CCDC148: variants seen among roughly 807,000 people sequenced by gnomAD.
CCDC148 encodes the protein coiled-coil domain containing 148.
A neutral mutation model predicts 85.7 loss-of-function variants in CCDC148; 89 were observed. The observed-to-expected ratio is 1.04, with a 90% CI of 0.87 to 1.24. The LOEUF is 1.24. Among genes scored for constraint, CCDC148 ranks in the 50% most tolerant of loss-of-function variants. CCDC148 has a pLI of 0.00. For synonymous variants in CCDC148, 230 were observed against 213.9 expected, an observed-to-expected ratio of 1.08 and a Z score of -0.66; for missense variants, 692 against 671.7, an observed-to-expected ratio of 1.03 and a Z score of -0.33.
chr2:158,260,153 A>G (rs1028970728), intron 9 of CCDC148, among the ~76,000 whole-genome samples: 4 of 151,610 alleles, frequency 2.6e-5, no homozygotes, highest in African/African-American at 9.7e-5. Flanking sequence ...TTCTATTCCT[A>G]CTCCTGGAAT....
At chr2:158,182,105 C>A (rs1169074261) in intron 11 of CCDC148, among the ~76,000 whole-genome samples, 1 of 152,018 alleles carries the variant, frequency 6.6e-6, no homozygotes, top group African/African-American at 2.4e-5. Context: ...AGACTGGGAA[C>A]TCACATGAGA....
intron 1 of CCDC148, among the ~76,000 whole-genome samples, chr2:158,444,883 G>C (rs952829041): frequency 2.8e-5 from 4 of 140,548 alleles, no homozygotes; most frequent in African/African-American, 1.0e-4. Flanking sequence ...AGTTAATAAA[G>C]AAATTTTTAC....
chr2:158,378,231 G>C (rs897817852), intron 1 of CCDC148, among the ~76,000 whole-genome samples: 5 of 152,056 alleles, frequency 3.3e-5, no homozygotes, highest in African/African-American at 9.7e-5. Context: ...AAGTTTGAGT[G>C]GTCTGGATAG....
intron 1 of CCDC148, among the ~76,000 whole-genome samples, chr2:158,426,833 T>C (rs1687101791): frequency 6.6e-6 from 1 of 152,192 alleles, no homozygotes; most frequent in South Asian, 2.1e-4. Flanking sequence ...TTTCCTTCTG[T>C]TTTTCTATTA....
intron 9 of CCDC148, among the ~76,000 whole-genome samples, chr2:158,276,138 C>T (rs1442835527): frequency 6.6e-6 from 1 of 152,124 alleles, no homozygotes. Flanking sequence ...ACTGGGTTTG[C>T]ATTAAAAACC....
chr2:158,213,678 T>A (rs1686694269), intron 11 of CCDC148, among the ~76,000 whole-genome samples: 1 of 152,144 alleles, frequency 6.6e-6, no homozygotes, highest in South Asian at 2.1e-4. Flanking sequence ...ATACAACAAA[T>A]GAGATATGAC....
intron 7 of CCDC148, 44 bp from the exon 8 acceptor site, chr2:158,313,938 G>C: frequency 6.3e-7 from 1 of 1,577,796 alleles, no homozygotes; most frequent in East Asian, 2.3e-5. Flanking sequence ...GAGCAATCAT[G>C]AAATTTGAGG....
At chr2:158,308,021 A>T (rs1691779225) in intron 9 of CCDC148, among the ~76,000 whole-genome samples, 1 of 152,216 alleles carries the variant, frequency 6.6e-6, no homozygotes, top group Admixed American at 6.5e-5. Context: ...CAGTTACTTT[A>T]TCAAGACACT....
chr2:158,221,860 C>T (rs1245205649), intron 10 of CCDC148, among the ~76,000 whole-genome samples: 3 of 151,774 alleles, frequency 2.0e-5, no homozygotes, highest in Non-Finnish European at 4.4e-5. Context: ...AGAGATAAAG[C>T]TAGAAAGGCA....
rs1682618697 is a variant in CCDC148, at chr2:158,340,376, G to T, written c.352C>A (p.Gln118Lys). 6.2e-7 allele frequency: 1 copy of T among 1,613,588 alleles called. No homozygotes were observed. The highest frequency in any genetic ancestry group is 1.1e-5 in the South Asian group (1 of 91,072). ...LTNFEQELSE[Q>K]QCTYLKNVIN... Reference sequence around the variant, plus strand: ...ACATTTTTAAGATATGTGCACTGTTGTTCTGATAGCTCTTGCTCTATGGTG... The same window carrying T: ...ACATTTTTAAGATATGTGCACTGTTTTTCTGATAGCTCTTGCTCTATGGTG... Residue 118 changes from glutamine (Q) to lysine (K), a missense_variant, in exon 5 of 14, where the codon CAA becomes AAA. Transcript: ENST00000283233.
intron 1 of CCDC148, among the ~76,000 whole-genome samples, chr2:158,406,650 T>C (rs1686038467): frequency 7.1e-6 from 1 of 140,738 alleles, no homozygotes. Flanking sequence ...TGAGACAGTG[T>C]CTCCCTCCAT....
In CCDC148 at chr2:158,275,162, A is replaced by G. The variant is rs78803650; in HGVS notation, c.1111-24250T>C. Among the ~76,000 whole-genome samples, 1,118 of 152,336 alleles carry G rather than the reference A, an allele frequency of 7.3e-3. 19 individuals carry two copies. Among genetic ancestry groups the G allele is most frequent in the African/African-American group, 0.026 (1,066 of 41,576 alleles). ...TAAGTGATTCTGTAGTCTTTGGGAA[A>G]TGCCATCGCTAAGAATCTGTAGAAT... is the stretch of plus-strand genomic sequence containing the variant. On this transcript the variant is annotated intron_variant, in intron 9 of 13. Coordinates refer to ENST00000283233, the MANE Select transcript of CCDC148 (RefSeq NM_138803.4).
intron 1 of CCDC148, among the ~76,000 whole-genome samples, chr2:158,423,619 A>T (rs934500865): frequency 6.6e-6 from 1 of 152,074 alleles, no homozygotes; most frequent in Non-Finnish European, 1.5e-5. Context: ...AACCTTAGAA[A>T]AAAACCTAGG....
chr2:158,347,413 C>A (rs1315264471), intron 2 of CCDC148, among the ~76,000 whole-genome samples: 2 of 151,422 alleles, frequency 1.3e-5, no homozygotes, highest in Non-Finnish European at 2.9e-5. Flanking sequence ...TTTATAAATT[C>A]ACTCATTGAT....
At chr2:158,263,143 T>C (rs1689302831) in intron 9 of CCDC148, among the ~76,000 whole-genome samples, 3 of 152,004 alleles carry the variant, frequency 2.0e-5, no homozygotes, top group Admixed American at 2.0e-4. Context: ...GGATTCAGCT[T>C]TGAACGATTC....
In CCDC148 at chr2:158,338,856, T is replaced by C. The variant is rs773995905; in HGVS notation, c.634A>G (p.Ile212Val). Residue 212 changes from isoleucine (I) to valine (V), a missense_variant, in exon 7 of 14, where the codon ATT becomes GTT. Physicochemically the swap from Ile to Val is conservative, Grantham distance 29. Coordinates refer to ENST00000283233, the MANE Select transcript of CCDC148 (RefSeq NM_138803.4). ...EKTNPLSELPIELESLECPYP... is the reference protein window; with the variant it reads ...EKTNPLSELPVELESLECPYP... Reference sequence around the variant, plus strand: ...GGGCATTCCAAACTTTCTAATTCAATGGGCAGTTCACTAAGCGGGTTAGTC... The same window carrying C: ...GGGCATTCCAAACTTTCTAATTCAACGGGCAGTTCACTAAGCGGGTTAGTC... The C allele has an allele frequency of 6.2e-7, 1 of 1,612,056 alleles. No homozygotes were observed. The highest frequency in any genetic ancestry group is 1.7e-5 in the Admixed American group (1 of 59,424).
intron 7 of CCDC148, among the ~76,000 whole-genome samples, chr2:158,327,109 C>A (rs1005056872): frequency 6.6e-6 from 1 of 152,042 alleles, no homozygotes; most frequent in Non-Finnish European, 1.5e-5. Flanking sequence ...CAATGAATAA[C>A]TGTAAAAATA....
At chr2:158,448,674 T>G (rs574183156) in intron 1 of CCDC148, among the ~76,000 whole-genome samples, 7 of 152,220 alleles carry the variant, frequency 4.6e-5, no homozygotes, top group African/African-American at 1.4e-4. Flanking sequence ...GACTTCTCAA[T>G]TCCTATAAAA....
intron 2 of CCDC148, among the ~76,000 whole-genome samples, chr2:158,354,391 G>C (rs1318642134): frequency 3.3e-5 from 5 of 151,854 alleles, no homozygotes; most frequent in Non-Finnish European, 5.9e-5. Context: ...AATGATAAAG[G>C]GGATCTCACC....
Sources: allele counts gnomAD v4.1 joint callset (sites outside exome capture counted in the v4.1 genomes callset), GRCh38; gene constraint gnomAD v4.1.1; transcripts MANE v1.5; gene names NCBI Gene and HGNC (gene_info 2026-07-23, HGNC 2026-07-21).